Variants in CD99 observed in about 807,000 individuals in gnomAD.
CD99 encodes the protein CD99 antigen.
Under a neutral mutation model 28.4 loss-of-function variants are expected in CD99, and 19 were observed. The observed-to-expected ratio is 0.67, with a 90% confidence interval of 0.47 to 0.98. The LOEUF is 0.98. Among genes scored for constraint, CD99 ranks in the 50% least tolerant of loss-of-function variants. The pLI is 0.00. For synonymous variants in CD99, 103 were observed against 92.1 expected, an observed-to-expected ratio of 1.12 and a Z score of -0.67; for missense variants, 283 against 248.8, an observed-to-expected ratio of 1.14 and a Z score of -0.92.
chrX:2,699,818 A>G (rs1453632110), intron 1 of CD99, among the ~76,000 whole-genome samples: 3 of 152,172 alleles, frequency 2.0e-5, no homozygotes, highest in Non-Finnish European at 4.4e-5. Context: ...GTCAAGAATC[A>G]TTGTTATTTT....
intron 9 of CD99, among the ~76,000 whole-genome samples, chrX:2,739,335 T>C (rs2050095138): frequency 6.6e-6 from 1 of 152,220 alleles, no homozygotes; most frequent in African/African-American, 2.4e-5. Flanking sequence ...GTGTATTTTT[T>C]TATTTTGTTT....
chrX:2,736,861 A>AAAT (rs904289892), intron 8 of CD99, among the ~76,000 whole-genome samples: 10 of 149,616 alleles, frequency 6.7e-5, no homozygotes, highest in South Asian at 2.1e-4. Context: ...TGTCTCAAAG[A>AAAT]AATAATAATA....
intron 1 of CD99, among the ~76,000 whole-genome samples, chrX:2,713,808 G>A (rs1164477295): frequency 6.6e-6 from 1 of 152,148 alleles, no homozygotes; most frequent in Admixed American, 6.6e-5. Context: ...AGTCCAAGTC[G>A]ACTTTTCCAA....
chrX:2,697,267 G>A (rs1359618083), intron 1 of CD99, among the ~76,000 whole-genome samples: 5 of 152,198 alleles, frequency 3.3e-5, no homozygotes. Context: ...AACTTTGAAT[G>A]GTGTCGTGGG....
intron 3 of CD99, chrX:2,717,876 C>A: frequency 9.4e-6 from 5 of 534,018 alleles, no homozygotes; most frequent in East Asian, 3.3e-5. Context: ...GCCATTTGGA[C>A]AACATCTCTG....
chrX:2,717,390 T>G, intron 2 of CD99: 1 of 569,270 alleles, frequency 1.8e-6, no homozygotes, highest in East Asian at 2.9e-5. Context: ...TCCTGGTCTC[T>G]GTGGAAACCA....
At chrX:2,709,582 C>A (rs1467435330) in intron 1 of CD99, among the ~76,000 whole-genome samples, 5 of 152,280 alleles carry the variant, frequency 3.3e-5, no homozygotes, top group African/African-American at 1.2e-4. Context: ...CACCATACAC[C>A]CACACATACG....
chrX:2,698,522 A>C (rs1420474077), intron 1 of CD99, among the ~76,000 whole-genome samples: 1 of 152,124 alleles, frequency 6.6e-6, no homozygotes, highest in Non-Finnish European at 1.5e-5. Flanking sequence ...GCTGAAGTGC[A>C]GTGGTGTGAT....
chrX:2,710,639 CT>C (rs1411754781), intron 1 of CD99, among the ~76,000 whole-genome samples: 2 of 150,296 alleles, frequency 1.3e-5, no homozygotes, highest in African/African-American at 2.5e-5. Context: ...ATTATGGACT[CT>C]TGGAATCTCT....
chrX:2,709,838 G>C (rs1603270761), intron 1 of CD99, among the ~76,000 whole-genome samples: 1 of 152,224 alleles, frequency 6.6e-6, no homozygotes, highest in Non-Finnish European at 1.5e-5. Flanking sequence ...TGAATGCAGA[G>C]GTGCCCAGCA....
intron 1 of CD99, among the ~76,000 whole-genome samples, chrX:2,703,486 G>A (rs1461171034): frequency 2.0e-5 from 3 of 152,252 alleles, no homozygotes; most frequent in South Asian, 4.1e-4. Context: ...CTCTGGGAAC[G>A]TAGTCCTGTA....
Position 2,714,470 on chromosome X carries a change from AT to A in CD99, c.100+22del. The A allele has an allele frequency of 1.9e-6, 3 of 1,585,462 alleles. No individual in the cohort carries two copies. The highest frequency in any genetic ancestry group is 1.1e-5 in the South Asian group (1 of 89,912). On this transcript the variant is annotated intron_variant, in intron 2 of 9. Transcript: ENST00000381192. ...GCCCTTCCTGGTGAGTATCAACATC[AT>A]TTTTTAAAATCCCGTCAATATTTTA... is the stretch of plus-strand genomic sequence containing the variant.
intron 8 of CD99, among the ~76,000 whole-genome samples, chrX:2,732,240 C>G: frequency 6.6e-6 from 1 of 152,046 alleles, no homozygotes; most frequent in East Asian, 1.9e-4. Context: ...GTGTTGGCTT[C>G]GCGGGGGACC....
At position 2,723,392 on chromosome X, in the gene CD99, G is replaced by A. The variant is rs1371360239; in HGVS notation, c.361+28G>A. 2.5e-6 allele frequency: 4 copies of A among 1,612,874 alleles called. No homozygotes were observed. The Admixed American group carries it at 6.7e-5, about 27-fold the overall frequency. On this transcript the variant is annotated intron_variant, in intron 7 of 9. Transcript: ENST00000381192. ...AGGTGCACCTGGCTTCTGTCTTCTTGTCTCTCCCACGTGGTGTTGAGAAGG... is the reference window on the plus strand; with the variant it reads ...AGGTGCACCTGGCTTCTGTCTTCTTATCTCTCCCACGTGGTGTTGAGAAGG...
rs1330885886 is a variant in CD99, at chrX:2,720,456, A to G, written c.262+32A>G. The G allele has an allele frequency of 4.4e-6, 7 of 1,596,268 alleles. No individual in the cohort carries two copies. In the African/African-American group the frequency reaches 9.4e-5, roughly 21 times the overall value. ...GTCTCTGACCCTGTGGGATGTCTTC[A>G]TGTTGTTCAGAATTCAGCGATATTT... On this transcript the variant is annotated intron_variant, in intron 5 of 9. Coordinates refer to ENST00000381192, the MANE Select transcript of CD99 (RefSeq NM_002414.5).
At chrX:2,693,241 C>T (rs1475848136) in intron 1 of CD99, among the ~76,000 whole-genome samples, 2 of 151,420 alleles carry the variant, frequency 1.3e-5, no homozygotes, top group Non-Finnish European at 2.9e-5. Context: ...GTTTTTAAAC[C>T]CACAGCAGTG....
At chrX:2,713,217 C>T (rs2048519725) in intron 1 of CD99, among the ~76,000 whole-genome samples, 1 of 151,750 alleles carries the variant, frequency 6.6e-6, no homozygotes, top group African/African-American at 2.4e-5. Flanking sequence ...CACATACATG[C>T]ATCCATAGGC....
At chrX:2,723,958 AAGGGAAGG>A (rs2049134829) in intron 7 of CD99, among the ~76,000 whole-genome samples, 1 of 151,920 alleles carries the variant, frequency 6.6e-6, no homozygotes, top group Non-Finnish European at 1.5e-5. Context: ...AGGAAGAAAA[AAGGGAAGG>A]AGGGAAGGAA....
At chrX:2,725,444 A>G (rs6655908) in intron 7 of CD99, among the ~76,000 whole-genome samples, 12,292 of 152,218 alleles carry the variant, frequency 0.081, 1,010 homozygotes, top group African/African-American at 0.21. Context: ...GATAGATTTA[A>G]AATGTCTGCA....
Sources: allele counts gnomAD v4.1 joint callset (sites outside exome capture counted in the v4.1 genomes callset), GRCh38; gene constraint gnomAD v4.1.1; transcripts MANE v1.5; gene names NCBI Gene and HGNC (gene_info 2026-07-23, HGNC 2026-07-21).